Variants in STX8 observed in about 807,000 individuals in gnomAD.
STX8 encodes syntaxin-8.
Under a neutral mutation model 37.5 loss-of-function variants are expected in STX8, and 23 were observed. That is an observed-to-expected ratio of 0.61 (90% CI 0.44 to 0.87). The LOEUF is 0.87. Among genes scored for constraint, STX8 ranks in the 40% least tolerant of loss-of-function variants. STX8 has a pLI of 0.00. For synonymous variants in STX8, 115 were observed against 99.1 expected (o/e 1.16, Z -0.95); for missense variants, 313 against 284.7 (o/e 1.10, Z -0.71).
chr17:9,565,906 T>G (rs999579544), intron 2 of STX8, among the ~76,000 whole-genome samples: 4 of 152,124 alleles, frequency 2.6e-5, no homozygotes, highest in Admixed American at 6.6e-5. Context: ...CAGGCAAAGA[T>G]TTCAGGACAA....
At chr17:9,525,694 C>A (rs575711117) in intron 4 of STX8, among the ~76,000 whole-genome samples, 61 of 152,276 alleles carry the variant, frequency 4.0e-4, no homozygotes, top group African/African-American at 1.4e-3. Flanking sequence ...GCTCATATCA[C>A]ACAAAGTGGC....
chr17:9,545,842 A>G (rs1906485760), intron 3 of STX8, among the ~76,000 whole-genome samples: 1 of 152,176 alleles, frequency 6.6e-6, no homozygotes, highest in South Asian at 2.1e-4. Context: ...TGGCCTCCCA[A>G]AGTGCTGGAA....
At chr17:9,560,890 C>T (rs1291154701) in intron 2 of STX8, among the ~76,000 whole-genome samples, 4 of 152,092 alleles carry the variant, frequency 2.6e-5, no homozygotes, top group Admixed American at 6.6e-5. Flanking sequence ...ATAGCTGATG[C>T]TGGCAATCAC....
chr17:9,540,213 T>C (rs1446380390), intron 4 of STX8, among the ~76,000 whole-genome samples: 2 of 152,212 alleles, frequency 1.3e-5, no homozygotes, highest in African/African-American at 4.8e-5. Flanking sequence ...CACTCCTCCA[T>C]ACACTTCTTG....
At chr17:9,305,449 T>C (rs763268305) in intron 7 of STX8, 5 of 152,162 alleles carry the variant, frequency 3.3e-5, no homozygotes, top group African/African-American at 7.2e-5. Context: ...TTTTGCCCAA[T>C]TGTAGGCTAA....
At chr17:9,436,249 G>A (rs1424896826) in intron 6 of STX8, among the ~76,000 whole-genome samples, 1 of 151,704 alleles carries the variant, frequency 6.6e-6, no homozygotes, top group Non-Finnish European at 1.5e-5. Flanking sequence ...GGGGGCTGAG[G>A]CAGGAGAATG....
intron 6 of STX8, among the ~76,000 whole-genome samples, chr17:9,407,386 AAAG>A (rs542899074): frequency 6.5e-4 from 99 of 152,228 alleles, no homozygotes; most frequent in African/African-American, 2.0e-3. Context: ...CCATAGACAA[AAAG>A]AAGGAGAGCT....
At chr17:9,391,779 A>G (rs557265216) in intron 6 of STX8, among the ~76,000 whole-genome samples, 6 of 152,280 alleles carry the variant, frequency 3.9e-5, no homozygotes, top group African/African-American at 1.4e-4. Flanking sequence ...AGAGTAGGGT[A>G]ACTAAAGTCC....
intron 6 of STX8, among the ~76,000 whole-genome samples, chr17:9,428,791 T>G (rs1913736753): frequency 6.6e-6 from 1 of 152,180 alleles, no homozygotes; most frequent in African/African-American, 2.4e-5. Flanking sequence ...CCAAGTTCAG[T>G]GTTACCTTGT....
intron 6 of STX8, among the ~76,000 whole-genome samples, chr17:9,410,897 G>A (rs754181511): frequency 2.0e-5 from 3 of 152,044 alleles, no homozygotes; most frequent in Non-Finnish European, 2.9e-5. Context: ...GCAAAACCAC[G>A]TAGTCTCAAA....
At chr17:9,560,622 C>T (rs778774312) in intron 2 of STX8, among the ~76,000 whole-genome samples, 7 of 152,116 alleles carry the variant, frequency 4.6e-5, no homozygotes, top group East Asian at 3.9e-4. Context: ...CAAAAGGAAA[C>T]GCTCAATATT....
intron 6 of STX8, among the ~76,000 whole-genome samples, chr17:9,401,100 C>T (rs1648431909): frequency 6.6e-6 from 1 of 152,198 alleles, no homozygotes; most frequent in Admixed American, 6.5e-5. Flanking sequence ...AACAGGATCA[C>T]AGCCTTACAT....
At chr17:9,425,130 A>G (rs1223436463) in intron 6 of STX8, among the ~76,000 whole-genome samples, 1 of 152,204 alleles carries the variant, frequency 6.6e-6, no homozygotes, top group East Asian at 1.9e-4. Flanking sequence ...CAAATCTTCT[A>G]TATTAAATAA....
chr17:9,273,056 C>G (rs539322833), intron 7 of STX8, among the ~76,000 whole-genome samples: 2 of 152,214 alleles, frequency 1.3e-5, no homozygotes, highest in Admixed American at 6.5e-5. Context: ...GGGGGAAAAC[C>G]GCCCTTTGGC....
rs79142260 is a variant in STX8, at chr17:9,423,215, A to G, written c.542-44562T>C. 2.8e-4 allele frequency among the ~76,000 whole-genome samples: 43 copies of G among 152,376 alleles called. 1 individual carries two copies. In the East Asian group the frequency reaches 4.2e-3, roughly 15 times the overall value. On this transcript the variant is annotated intron_variant, in intron 6 of 7. Coordinates refer to ENST00000306357, the MANE Select transcript of STX8 (RefSeq NM_004853.3). ...AACCTTAAATATGCATTTCCTTATT[A>G]GCACTGTCAATAAGTGTTAGCTAAA...
intron 6 of STX8, among the ~76,000 whole-genome samples, chr17:9,389,426 A>C (rs1461923751): frequency 2.0e-5 from 3 of 152,232 alleles, no homozygotes; most frequent in Admixed American, 1.3e-4. Context: ...TTCACGAAGG[A>C]GCTTATATTT....
intron 4 of STX8, among the ~76,000 whole-genome samples, chr17:9,506,460 C>T (rs1038584284): frequency 1.7e-5 from 2 of 118,566 alleles, no homozygotes; most frequent in Non-Finnish European, 3.2e-5. Flanking sequence ...AATGAATAAA[C>T]AGCTAAGATT....
intron 7 of STX8, among the ~76,000 whole-genome samples, chr17:9,260,640 A>C (rs915796181): frequency 6.6e-6 from 1 of 152,078 alleles, no homozygotes; most frequent in African/African-American, 2.4e-5. Context: ...ACAAACAAAC[A>C]AACAAACAAA....
In STX8 at chr17:9,333,456, C is replaced by G. The variant is rs576513278; in HGVS notation, c.643+45096G>C. Among the ~76,000 whole-genome samples, 4 of 152,236 alleles carry G rather than the reference C, an allele frequency of 2.6e-5. No homozygotes were observed. The East Asian group carries it at 7.7e-4, about 29-fold the overall frequency. On this transcript the variant is annotated intron_variant, in intron 7 of 7. Coordinates refer to ENST00000306357, the MANE Select transcript of STX8 (RefSeq NM_004853.3). ...AGGCTGGAGTGCAGTGGCATGATCT[C>G]GGCTCACTGCAAGCTCCGCCTCCCG...
Sources: gnomAD v4.1 joint callset for allele counts (sites outside exome capture counted in the v4.1 genomes callset) on GRCh38, gnomAD v4.1.1 for gene constraint, MANE v1.5 for transcripts, NCBI Gene and HGNC (gene_info 2026-07-23, HGNC 2026-07-21) for gene names.